The following PTPRK variants were observed in gnomAD, a reference collection of about 807,000 sequenced individuals.
The protein encoded by PTPRK is receptor-type tyrosine-protein phosphatase kappa.
PTPRK carries 75 observed loss-of-function variants against 178.0 expected under a neutral mutation model. The ratio of observed to expected loss-of-function variants is 0.42; its 90% CI spans 0.35 to 0.51. PTPRK has a LOEUF of 0.51. Ranked by LOEUF, PTPRK falls within the 20% of genes least tolerant of loss-of-function variation. The pLI, the probability that PTPRK is intolerant of heterozygous loss-of-function variation, is 0.02. For synonymous variants in PTPRK, 637 were observed against 620.6 expected (o/e 1.03, Z -0.39); for missense variants, 1,441 against 1,797.8 (o/e 0.80, Z 3.59).
chr6:128,324,761 G>A (rs182842163), intron 2 of PTPRK, among the ~76,000 whole-genome samples: 3 of 152,176 alleles, frequency 2.0e-5, no homozygotes, highest in Admixed American at 6.6e-5. Flanking sequence ...AAATCTTTCT[G>A]CCTACTGACT....
chr6:127,973,813 A>G lies in PTPRK; in HGVS notation c.3984T>C (p.Tyr1328=). 6.2e-7 allele frequency: 1 copy of G among 1,613,208 alleles called. No individual in the cohort carries two copies. The highest frequency in any genetic ancestry group is 8.5e-7 in the Non-Finnish European group (1 of 1,179,278). The part of the protein sequence containing the change: ...ICNLTRPQEG[Y]LMVQQFQYLG... ...GGTACTGAAACTGTTGCACCATCAGATAACCTTCCTGTGGCTGTAGAGGGA... is the reference window on the plus strand; with the variant it reads ...GGTACTGAAACTGTTGCACCATCAGGTAACCTTCCTGTGGCTGTAGAGGGA... Residue 1328 remains tyrosine (Y), a synonymous_variant, in exon 28 of 30, where the codon TAT becomes TAC. Coordinates refer to ENST00000368226, the MANE Select transcript of PTPRK (RefSeq NM_002844.4).
chr6:128,450,042 G>C (rs1371898275), intron 1 of PTPRK, among the ~76,000 whole-genome samples: 1 of 151,664 alleles, frequency 6.6e-6, no homozygotes, highest in East Asian at 1.9e-4. Flanking sequence ...CAGGTTGGGG[G>C]CGGGGGCGGA....
intron 1 of PTPRK, among the ~76,000 whole-genome samples, chr6:128,473,167 T>C (rs1850926224): frequency 6.6e-6 from 1 of 152,068 alleles, no homozygotes; most frequent in South Asian, 2.1e-4. Context: ...CAGCCTTTTT[T>C]CTCTTTCATG....
At chr6:128,343,903 G>C (rs1412145119) in intron 2 of PTPRK, among the ~76,000 whole-genome samples, 1 of 152,194 alleles carries the variant, frequency 6.6e-6, no homozygotes, top group Non-Finnish European at 1.5e-5. Context: ...CTATAGCTAA[G>C]AGAGTGAACT....
At chr6:128,470,259 C>CATATATATATAT (rs34303350) in intron 1 of PTPRK, among the ~76,000 whole-genome samples, 16 of 147,884 alleles carry the variant, frequency 1.1e-4, no homozygotes, top group African/African-American at 3.7e-4. Context: ...TCTCAGTTTT[C>CATATATATATAT]ATATATATAT....
chr6:128,033,153 C>A (rs1334296088), intron 13 of PTPRK, among the ~76,000 whole-genome samples: 1 of 152,054 alleles, frequency 6.6e-6, no homozygotes, highest in Non-Finnish European at 1.5e-5. Flanking sequence ...TGGTTATACT[C>A]CCTGAGTAAT....
Position 128,228,151 on chromosome 6 carries a change from A to G in PTPRK, c.694-9055T>C, listed in dbSNP as rs930290335. ...AAAAGAAAGAAAGAAATAGAGAGGG[A>G]AAAAAAAGAAATTATGAGTAACTAC... On this transcript the variant is annotated intron_variant, in intron 5 of 29. Transcript: ENST00000368226. 3.3e-5 allele frequency among the ~76,000 whole-genome samples: 5 copies of G among 151,856 alleles called. No individual in the cohort carries two copies. In the East Asian group the frequency reaches 9.7e-4, roughly 29 times the overall value.
intron 1 of PTPRK, among the ~76,000 whole-genome samples, chr6:128,479,914 C>A (rs1331719978): frequency 6.6e-6 from 1 of 152,104 alleles, no homozygotes; most frequent in Admixed American, 6.6e-5. Flanking sequence ...TAGCTCAAGG[C>A]TCAAGGCAGT....
At chr6:128,340,690 T>C in intron 2 of PTPRK, 1 of 397,036 alleles carries the variant, frequency 2.5e-6, no homozygotes, top group South Asian at 2.1e-5. Flanking sequence ...TCCTTTGTTA[T>C]TTAATATAAA....
chr6:128,275,223 G>A (rs1051998895), intron 3 of PTPRK, among the ~76,000 whole-genome samples: 2 of 152,006 alleles, frequency 1.3e-5, no homozygotes, highest in African/African-American at 4.8e-5. Flanking sequence ...AAATGAGAGA[G>A]AATGAGGATT....
chr6:128,297,705 C>A (rs554821664), intron 3 of PTPRK, among the ~76,000 whole-genome samples: 4 of 152,298 alleles, frequency 2.6e-5, no homozygotes, highest in African/African-American at 9.6e-5. Context: ...ATACCAGAAT[C>A]TCTGGGACAC....
At chr6:128,129,133 C>T (rs570649648) in intron 7 of PTPRK, among the ~76,000 whole-genome samples, 2 of 152,200 alleles carry the variant, frequency 1.3e-5, no homozygotes, top group African/African-American at 4.8e-5. Context: ...TACAATTTGC[C>T]TTATCAATTA....
At chr6:128,227,845 T>C (rs1811616629) in intron 5 of PTPRK, among the ~76,000 whole-genome samples, 1 of 151,838 alleles carries the variant, frequency 6.6e-6, no homozygotes, top group South Asian at 2.1e-4. Flanking sequence ...TTAAGGAAAA[T>C]TAGAAATTAA....
At chr6:128,157,153 A>G (rs996594856) in intron 7 of PTPRK, among the ~76,000 whole-genome samples, 1 of 152,022 alleles carries the variant, frequency 6.6e-6, no homozygotes, top group African/African-American at 2.4e-5. Flanking sequence ...AGGGAGACTA[A>G]TGTGTCTGAT....
chr6:128,457,176 T>A (rs190167576), intron 1 of PTPRK, among the ~76,000 whole-genome samples: 3 of 152,256 alleles, frequency 2.0e-5, no homozygotes, highest in Admixed American at 2.0e-4. Flanking sequence ...AAAATTTACA[T>A]TATTATAAAA....
At chr6:128,023,987 T>G (rs1032841321) in intron 13 of PTPRK, among the ~76,000 whole-genome samples, 9 of 152,090 alleles carry the variant, frequency 5.9e-5, no homozygotes, top group Non-Finnish European at 1.2e-4. Context: ...TATTTTAAAC[T>G]CAAATAGAGA....
chr6:128,209,086 C>G lies in PTPRK; in HGVS notation c.868+9836G>C, dbSNP rs779730818. Reference sequence around the variant, plus strand: ...CATTCTTTCTACCATAACCACCCCCCCCAGGAACACTTATCACTTATCATC... The same window carrying G: ...CATTCTTTCTACCATAACCACCCCCGCCAGGAACACTTATCACTTATCATC... On this transcript the variant is annotated intron_variant, in intron 6 of 29. Coordinates refer to ENST00000368226, the MANE Select transcript of PTPRK (RefSeq NM_002844.4). Among the ~76,000 whole-genome samples, 20 of 152,084 alleles carry G rather than the reference C, an allele frequency of 1.3e-4. 1 individual carries two copies. The highest frequency in any genetic ancestry group is 9.7e-4 in the East Asian group (5 of 5,156).
chr6:128,330,127 C>G (rs571076407), intron 2 of PTPRK, among the ~76,000 whole-genome samples: 1 of 152,216 alleles, frequency 6.6e-6, no homozygotes, highest in East Asian at 1.9e-4. Flanking sequence ...ACTAAAGACA[C>G]TATACAATAA....
chr6:128,112,944 A>C (rs1427898446), intron 7 of PTPRK, among the ~76,000 whole-genome samples: 1 of 152,068 alleles, frequency 6.6e-6, no homozygotes, highest in African/African-American at 2.4e-5. Context: ...TTCCTTCTAC[A>C]GTCATCTACT....
Sources: allele counts gnomAD v4.1 joint callset (sites outside exome capture counted in the v4.1 genomes callset), GRCh38; gene constraint gnomAD v4.1.1; transcripts MANE v1.5; gene names NCBI Gene and HGNC (gene_info 2026-07-23, HGNC 2026-07-21).